SNX29: variants seen among roughly 807,000 people sequenced by gnomAD.
SNX29 encodes sorting nexin-29.
A neutral mutation model predicts 102.1 loss-of-function variants in SNX29; 78 were observed. The observed-to-expected ratio is 0.76, with a 90% CI of 0.64 to 0.92. The LOEUF (loss-of-function observed/expected upper bound fraction) is 0.92, where lower values mean the gene tolerates loss of function less well. Ranked by LOEUF, SNX29 falls within the 40% of genes least tolerant of loss-of-function variation. The probability of loss-of-function intolerance (pLI) is 0.00; values close to 1 mark genes in which losing one functional copy is unlikely to be tolerated. For synonymous variants in SNX29, 580 were observed against 414.5 expected (o/e 1.40, Z -4.85); for missense variants, 1,280 against 1,061.7 (o/e 1.21, Z -2.86).
At chr16:12,468,584 A>C (rs1286013160) in intron 18 of SNX29, among the ~76,000 whole-genome samples, 1 of 151,984 alleles carries the variant, frequency 6.6e-6, no homozygotes, top group East Asian at 1.9e-4. Flanking sequence ...TCCCTTTGAA[A>C]GCCTGTGTTT....
intron 14 of SNX29, among the ~76,000 whole-genome samples, chr16:12,251,134 CTG>C (rs1180329342): frequency 2.0e-5 from 3 of 152,226 alleles, no homozygotes; most frequent in African/African-American, 7.2e-5. Context: ...GGGGTCTTGA[CTG>C]TGCCATTTGC....
At chr16:12,213,604 G>A (rs1187451371) in intron 14 of SNX29, among the ~76,000 whole-genome samples, 22 of 152,242 alleles carry the variant, frequency 1.4e-4, no homozygotes, top group Admixed American at 1.4e-3. Flanking sequence ...TTAGGAGAGT[G>A]TCCAGGCTGT....
chr16:12,188,668 A>C (rs1234747344), intron 13 of SNX29, among the ~76,000 whole-genome samples: 1 of 152,136 alleles, frequency 6.6e-6, no homozygotes, highest in Non-Finnish European at 1.5e-5. Flanking sequence ...GTGGCTAATG[A>C]GATGGGCTTT....
rs1191938420 is a variant in SNX29, at chr16:11,976,751, C to G, written c.-56C>G. ...CCCGGCCTGTCTGGAGCTCGGCAGC[C>G]GCAGAAGCGGCAGCGGCGGCGGCGC... On this transcript the variant is annotated 5_prime_UTR_variant, in exon 1 of 21. Transcript: ENST00000566228. 8.0e-7 allele frequency: 1 copy of G among 1,255,082 alleles called. No individual in the cohort carries two copies. The highest frequency in any genetic ancestry group is 1.0e-6 in the Non-Finnish European group (1 of 981,776). The allele number at this position is 1,255,082 out of a possible 1,614,324, so 77.7% of individuals were successfully genotyped here.
rs192495327 is a variant in SNX29, at chr16:12,017,873, A to T, written c.123-9447A>T. On this transcript the variant is annotated intron_variant, in intron 3 of 20. Transcript: ENST00000566228. ...TTATAGATAAAATGCTTCCATATGT[A>T]TTAGGATTTTTTTTGGGTGGGGGGG... 9.0e-4 allele frequency among the ~76,000 whole-genome samples: 137 copies of T among 151,978 alleles called. No homozygotes were observed. In the East Asian group the frequency reaches 0.024, roughly 27 times the overall value.
At chr16:12,195,653 T>G (rs1567299658) in intron 13 of SNX29, among the ~76,000 whole-genome samples, 1 of 152,240 alleles carries the variant, frequency 6.6e-6, no homozygotes, top group African/African-American at 2.4e-5. Flanking sequence ...CACGCAATTT[T>G]TCAAGGCCTT....
Position 12,573,699 on chromosome 16 carries a change from G to A in SNX29, c.*5070G>A. ...CAGAGGATGCCCTTGCAAAAATTGG[G>A]ACTGAGGACAGTAGCACACGGAATG... On this transcript the variant is annotated 3_prime_UTR_variant, in exon 21 of 21. Transcript: ENST00000566228. 4.5e-6 allele frequency: 1 copy of A among 223,702 alleles called. No homozygotes were observed. Among genetic ancestry groups the A allele is most frequent in the East Asian group, 6.5e-5 (1 of 15,488 alleles). The allele number at this position is 223,702 out of a possible 1,614,324, so 13.9% of individuals were successfully genotyped here. A position where few individuals can be genotyped will look rare whatever the true frequency, so the allele number is the denominator to read the frequency against.
intron 7 of SNX29, among the ~76,000 whole-genome samples, chr16:12,050,639 A>G (rs370774520): frequency 5.9e-4 from 90 of 152,146 alleles, no homozygotes; most frequent in East Asian, 3.1e-3. Flanking sequence ...GGTCAGGGCC[A>G]CTGTCCAGGA....
chr16:12,442,799 G>T (rs772325953), intron 18 of SNX29, among the ~76,000 whole-genome samples: 12 of 151,986 alleles, frequency 7.9e-5, no homozygotes, highest in Non-Finnish European at 1.3e-4. Flanking sequence ...TCACTATGTT[G>T]CCCAGGCTGG....
At position 12,277,997 on chromosome 16, in the gene SNX29, T is replaced by C; in HGVS notation, c.1743T>C (p.Ala581=). 1.2e-6 allele frequency: 2 copies of C among 1,607,630 alleles called. No homozygotes were observed. The highest frequency in any genetic ancestry group is 1.7e-6 in the Non-Finnish European group (2 of 1,176,966). ...CTGAACAGAAGCCGGGAGAAATTGC[T>C]GAAGAACTCGCAAGCTCCTACGAAA... ...TVAEQKPGEI[A]EELASSYERK... is the part of the protein sequence containing the mutation. Residue 581 remains alanine (A), a synonymous_variant, in exon 15 of 21, where the codon GCT becomes GCC. Coordinates refer to ENST00000566228, the MANE Select transcript of SNX29 (RefSeq NM_032167.5).
Position 12,569,041 on chromosome 16 carries a change from G to A in SNX29, c.*412G>A, listed in dbSNP as rs114748159. 5.5e-4 allele frequency: 124 copies of A among 226,234 alleles called. 1 individual carries two copies. The highest frequency in any genetic ancestry group is 2.2e-3 in the African/African-American group (97 of 43,528). 14.0% of individuals were successfully genotyped at this position (226,234 alleles called of 1,614,324 possible). ...AGCCAGCCTCTCCACTCTTTCCCAC[G>A]TGGGGACTAGAATGACTATTAGCCT... On this transcript the variant is annotated 3_prime_UTR_variant, in exon 21 of 21. Transcript: ENST00000566228.
chr16:12,466,326 C>T (rs1347346962), intron 18 of SNX29, among the ~76,000 whole-genome samples: 1 of 152,190 alleles, frequency 6.6e-6, no homozygotes, highest in African/African-American at 2.4e-5. Context: ...GATACAAAGT[C>T]AGCATACAGA....
chr16:12,356,019 A>C (rs1475306043), intron 15 of SNX29, 144 bp from the exon 16 acceptor site: 1 of 666,490 alleles, frequency 1.5e-6, no homozygotes, highest in East Asian at 2.8e-5. Context: ...CATGGTTCAC[A>C]GGTAAGCAGT....
chr16:12,386,086 G>C (rs2083331551), intron 16 of SNX29, among the ~76,000 whole-genome samples: 1 of 152,340 alleles, frequency 6.6e-6, no homozygotes, highest in South Asian at 2.1e-4. Flanking sequence ...GCTGCACACG[G>C]AGACTCCAGG....
intron 18 of SNX29, among the ~76,000 whole-genome samples, chr16:12,434,156 C>G (rs2085430225): frequency 1.3e-5 from 2 of 152,228 alleles, no homozygotes; most frequent in South Asian, 4.1e-4. Context: ...ATGCTTCTGC[C>G]TGGCCTCAGG....
At chr16:12,039,083 G>A (rs1285318046) in intron 4 of SNX29, among the ~76,000 whole-genome samples, 1 of 152,218 alleles carries the variant, frequency 6.6e-6, no homozygotes, top group Admixed American at 6.5e-5. Flanking sequence ...TATTCTAAAT[G>A]ATCCCAGTGA....
intron 18 of SNX29, among the ~76,000 whole-genome samples, chr16:12,472,529 C>CAAAAAAAAAAAAAAAAAAAA (rs60223249): frequency 4.1e-5 from 3 of 72,896 alleles, no homozygotes; most frequent in Non-Finnish European, 6.6e-5. Flanking sequence ...AAAAAAAAAC[C>CAAAAAAAAAAAAAAAAAAAA]AAAAAAAAAA....
Position 12,413,634 on chromosome 16 carries a change from A to T in SNX29, c.2037+10105A>T, listed in dbSNP as rs7192339. On this transcript the variant is annotated intron_variant, in intron 18 of 20. Coordinates refer to ENST00000566228, the MANE Select transcript of SNX29 (RefSeq NM_032167.5). Reference sequence around the variant, plus strand: ...CGAAGTGACGTGAGTGTTCAGTGGTACGCTGCTGTGCAGGGGAGACAGCTT... The same window carrying T: ...CGAAGTGACGTGAGTGTTCAGTGGTTCGCTGCTGTGCAGGGGAGACAGCTT... Among the ~76,000 whole-genome samples, 22 of 151,902 alleles carry T rather than the reference A, an allele frequency of 1.4e-4. 1 individual carries two copies. In the South Asian group the frequency reaches 4.6e-3, roughly 32 times the overall value.
intron 19 of SNX29, among the ~76,000 whole-genome samples, chr16:12,522,307 G>A (rs1272045595): frequency 2.0e-5 from 3 of 151,636 alleles, no homozygotes; most frequent in East Asian, 3.9e-4. Flanking sequence ...ATTCTCATTC[G>A]CTCAGTCTGC....
Sources: gnomAD v4.1 joint callset for allele counts (sites outside exome capture counted in the v4.1 genomes callset) on GRCh38, gnomAD v4.1.1 for gene constraint, MANE v1.5 for transcripts, NCBI Gene and HGNC (gene_info 2026-07-23, HGNC 2026-07-21) for gene names.